Variants in PACS1 observed in about 807,000 individuals in gnomAD.
PACS1 encodes phosphofurin acidic cluster sorting protein 1, also known as PACS-1.
Under a neutral mutation model 115.0 loss-of-function variants are expected in PACS1, and 24 were observed. That is an observed-to-expected ratio of 0.21 (90% CI 0.15 to 0.29). The LOEUF (loss-of-function observed/expected upper bound fraction) is 0.29. Ranked by LOEUF, PACS1 falls within the 10% of genes least tolerant of loss-of-function variation. The probability of loss-of-function intolerance (pLI) is 1.00; values close to 1 mark genes in which losing one functional copy is unlikely to be tolerated. For missense variants in PACS1, 838 were observed against 1,251.2 expected (o/e 0.67, Z 4.98); for synonymous variants, 453 against 504.5 (o/e 0.90, Z 1.37).
intron 4 of PACS1, among the ~76,000 whole-genome samples, chr11:66,213,571 C>G (rs1030486349): frequency 6.6e-6 from 1 of 152,260 alleles, no homozygotes; most frequent in Admixed American, 6.5e-5. Context: ...TGAGAAAGAT[C>G]TGTCTGTATG....
intron 1 of PACS1, among the ~76,000 whole-genome samples, chr11:66,173,103 T>G (rs1188255781): frequency 1.3e-5 from 2 of 150,778 alleles, no homozygotes; most frequent in Non-Finnish European, 1.5e-5. Context: ...TTTTTTTTTT[T>G]GTTTTTTTTT....
At chr11:66,229,238 A>G (rs920381149) in intron 11 of PACS1, among the ~76,000 whole-genome samples, 32 of 146,480 alleles carry the variant, frequency 2.2e-4, no homozygotes, top group African/African-American at 8.0e-4. Flanking sequence ...AAAAAATAGT[A>G]ATACAAAAAA....
At chr11:66,164,370 A>G (rs1859552943) in intron 1 of PACS1, among the ~76,000 whole-genome samples, 1 of 151,412 alleles carries the variant, frequency 6.6e-6, no homozygotes, top group Non-Finnish European at 1.5e-5. Context: ...ACATAATTGA[A>G]CCTTTCTGGG....
intron 1 of PACS1, among the ~76,000 whole-genome samples, chr11:66,158,540 A>G (rs1360521237): frequency 6.6e-6 from 1 of 152,178 alleles, no homozygotes; most frequent in East Asian, 1.9e-4. Flanking sequence ...GTCTCTACAA[A>G]AACAGAAAAA....
At position 66,230,614 on chromosome 11, in the gene PACS1, A is replaced by C; in HGVS notation, c.1441A>C (p.Thr481Pro). The change falls in exon 12 of 24, where the codon ACT (threonine) becomes CCT (proline). Residue 481 changes from threonine to proline, a missense_variant. Thr to Pro is a conservative substitution (Grantham distance 38). Coordinates refer to ENST00000320580, the MANE Select transcript of PACS1 (RefSeq NM_018026.4). ...TSLVVPEKVK[T>P]PMKSSKTDLQ... is the part of the protein sequence containing the mutation. Reference sequence around the variant, plus strand: ...TCTGGTTGTGCCGGAGAAAGTCAAAACTCCCATGAAGTCCAGTAAAACGGA... The same window carrying C: ...TCTGGTTGTGCCGGAGAAAGTCAAACCTCCCATGAAGTCCAGTAAAACGGA... The C allele has an allele frequency of 5.6e-6, 9 of 1,613,474 alleles. No homozygotes were observed. In the Middle Eastern group the frequency reaches 1.5e-3, roughly 266 times the overall value.
rs1044016462 is a variant in PACS1, at chr11:66,164,117, G to A, written c.357-29369G>A. On this transcript the variant is annotated intron_variant, in intron 1 of 23. Transcript: ENST00000320580. ...TTGGTGTTTCCCGTCCTGGCTTTTCGGTTCATGGGAAGTGGCAGAATCTGG... is the reference window on the plus strand; with the variant it reads ...TTGGTGTTTCCCGTCCTGGCTTTTCAGTTCATGGGAAGTGGCAGAATCTGG... Among the ~76,000 whole-genome samples, 6 of 152,130 alleles carry A rather than the reference G, an allele frequency of 3.9e-5. 1 individual carries two copies. Among genetic ancestry groups the A allele is most frequent in the Non-Finnish European group, 2.9e-5 (2 of 68,024 alleles).
At chr11:66,088,440 A>G (rs1225473021) in intron 1 of PACS1, among the ~76,000 whole-genome samples, 1 of 152,154 alleles carries the variant, frequency 6.6e-6, no homozygotes, top group Admixed American at 6.6e-5. Flanking sequence ...ATGTGATGTG[A>G]GGTATGGATT....
At chr11:66,126,662 T>C (rs1295977650) in intron 1 of PACS1, among the ~76,000 whole-genome samples, 1 of 151,742 alleles carries the variant, frequency 6.6e-6, no homozygotes, top group Non-Finnish European at 1.5e-5. Flanking sequence ...GAATTGTTAA[T>C]TTAATCTGCA....
intron 1 of PACS1, among the ~76,000 whole-genome samples, chr11:66,111,303 T>C (rs1858181698): frequency 6.6e-6 from 1 of 152,186 alleles, no homozygotes; most frequent in Non-Finnish European, 1.5e-5. Flanking sequence ...GTATATGTGG[T>C]TTATTGTTGA....
intron 1 of PACS1, among the ~76,000 whole-genome samples, chr11:66,091,484 T>TC (rs1857658419): frequency 6.6e-6 from 1 of 151,808 alleles, no homozygotes; most frequent in Non-Finnish European, 1.5e-5. Flanking sequence ...TAGTTTTTTT[T>TC]CTCATTGTTG....
intron 14 of PACS1, 50 bp from the exon 15 acceptor site, chr11:66,232,910 G>A: frequency 1.0e-5 from 14 of 1,353,338 alleles, no homozygotes; most frequent in African/African-American, 1.4e-5. Flanking sequence ...CCTTGTGAAG[G>A]AGTGATGTGT....
intron 1 of PACS1, among the ~76,000 whole-genome samples, chr11:66,146,607 G>C (rs868381925): frequency 3.9e-5 from 6 of 152,252 alleles, no homozygotes; most frequent in South Asian, 2.1e-4. Context: ...AAGGAAAGGA[G>C]AAGAAAGGGC....
At chr11:66,192,580 A>G (rs956741383) in intron 1 of PACS1, among the ~76,000 whole-genome samples, 1 of 152,202 alleles carries the variant, frequency 6.6e-6, no homozygotes, top group Non-Finnish European at 1.5e-5. Context: ...AGCACGGAGG[A>G]AAAAAGAGGT....
At chr11:66,238,321 A>ACT (rs1233036495) in intron 19 of PACS1, 2 of 985,176 alleles carry the variant, frequency 2.0e-6, no homozygotes, top group African/African-American at 1.7e-5. Flanking sequence ...GACCTTAGAG[A>ACT]AACAACATCA....
intron 1 of PACS1, among the ~76,000 whole-genome samples, chr11:66,113,532 C>G (rs1430418075): frequency 1.3e-5 from 2 of 151,970 alleles, no homozygotes. Flanking sequence ...ACGTAACAAG[C>G]AAGGAAAAAA....
intron 2 of PACS1, among the ~76,000 whole-genome samples, chr11:66,198,504 C>CA (rs1386035970): frequency 7.2e-5 from 10 of 139,456 alleles, no homozygotes; most frequent in Non-Finnish European, 1.2e-4. Context: ...AAGCAAGACA[C>CA]AAAAAACCAC....
chr11:66,238,183 G>T (rs1392248979), intron 19 of PACS1: 76 of 985,072 alleles, frequency 7.7e-5, no homozygotes, highest in Non-Finnish European at 8.9e-5. Flanking sequence ...CCCCCATTCA[G>T]TACACTTCCA....
intron 10 of PACS1, 160 bp downstream of exon 10, chr11:66,221,407 G>A (rs1332051942): frequency 1.5e-6 from 1 of 648,836 alleles, no homozygotes; most frequent in East Asian, 2.8e-5. Context: ...TGGCACTTTG[G>A]GAGGTGGAGT....
chr11:66,217,423 G>A (rs1469041792), intron 7 of PACS1: 1 of 383,350 alleles, frequency 2.6e-6, no homozygotes, highest in Non-Finnish European at 5.3e-6. Flanking sequence ...TGCATGAAGT[G>A]TGGGAGGGCC....
Sources: gnomAD v4.1 joint callset for allele counts (sites outside exome capture counted in the v4.1 genomes callset) on GRCh38, gnomAD v4.1.1 for gene constraint, MANE v1.5 for transcripts, NCBI Gene and HGNC (gene_info 2026-07-23, HGNC 2026-07-21) for gene names.